The following CAPZB variants were observed in gnomAD, a reference collection of about 807,000 sequenced individuals.
The protein encoded by CAPZB is F-actin-capping protein subunit beta.
In CAPZB, 2 loss-of-function variants were observed where a neutral mutation model predicts 38.1. That is an observed-to-expected ratio of 0.05 (90% CI 0.02 to 0.17). The LOEUF (loss-of-function observed/expected upper bound fraction) is 0.17. CAPZB is among the 10% of genes least tolerant of loss of function. The pLI is 1.00. For synonymous variants in CAPZB, 107 were observed against 127.4 expected (o/e 0.84, Z 1.08); for missense variants, 161 against 334.2 (o/e 0.48, Z 4.04).
chr1:19,433,405 G>A (rs1442759953), intron 1 of CAPZB, among the ~76,000 whole-genome samples: 1 of 152,194 alleles, frequency 6.6e-6, no homozygotes, highest in African/African-American at 2.4e-5. Flanking sequence ...CGAAGGCTAA[G>A]AAAAGTAAAC....
At chr1:19,419,639 A>T in intron 2 of CAPZB, 22 bp downstream of exon 2, 1 of 1,442,774 alleles carries the variant, frequency 6.9e-7, no homozygotes, top group Non-Finnish European at 9.6e-7. Context: ...CTCAAATGGA[A>T]CCATATGAAG....
chr1:19,427,307 T>A (rs1270134572), intron 1 of CAPZB, among the ~76,000 whole-genome samples: 1 of 152,206 alleles, frequency 6.6e-6, no homozygotes, highest in African/African-American at 2.4e-5. Flanking sequence ...AACCAAAGCT[T>A]CAAGGCCTTC....
chr1:19,449,106 G>A, intron 1 of CAPZB: 7 of 1,422,384 alleles, frequency 4.9e-6, no homozygotes, highest in Non-Finnish European at 6.4e-6. Flanking sequence ...TGAAACCCCA[G>A]CAGTTCCATT....
At chr1:19,458,006 A>C (rs1356268235) in intron 1 of CAPZB, among the ~76,000 whole-genome samples, 1 of 152,058 alleles carries the variant, frequency 6.6e-6, no homozygotes, top group Non-Finnish European at 1.5e-5. Context: ...CTTAGGTCAT[A>C]ATAATTTTTA....
At chr1:19,476,856 C>T (rs879515078) in intron 1 of CAPZB, among the ~76,000 whole-genome samples, 4 of 152,232 alleles carry the variant, frequency 2.6e-5, no homozygotes, top group African/African-American at 7.2e-5. Context: ...GGGAACCTCT[C>T]GGCCCCAGTT....
Position 19,441,525 on chromosome 1 carries a change from A to G in CAPZB, c.4-21775T>C, listed in dbSNP as rs545331806. On this transcript the variant is annotated intron_variant, in intron 1 of 8. Coordinates refer to ENST00000264202, the MANE Select transcript of CAPZB (RefSeq NM_004930.5). ...TTCATTTACTGAGTACCTACCTAGTATACACAGCAGGGCATGTTCACCCCT... is the reference window on the plus strand; with the variant it reads ...TTCATTTACTGAGTACCTACCTAGTGTACACAGCAGGGCATGTTCACCCCT... Among the ~76,000 whole-genome samples the G allele has an allele frequency of 1.2e-4, 19 of 152,254 alleles. No individual in the cohort carries two copies. In the East Asian group the frequency reaches 2.9e-3, roughly 23 times the overall value.
At chr1:19,348,761 G>C (rs1032652656) in intron 6 of CAPZB, among the ~76,000 whole-genome samples, 3 of 102,556 alleles carry the variant, frequency 2.9e-5, no homozygotes, top group Admixed American at 1.1e-4. Context: ...ATCTGACAAG[G>C]GGGGGGGGCG....
rs561938357 is a variant in CAPZB at position 19,344,716 on chromosome 1, CA to C, written c.655-283del. On this transcript the variant is annotated intron_variant, in intron 7 of 8. Transcript: ENST00000264202. The stretch of plus-strand genomic sequence containing the variant: ...TGGGAGCTGCTCTAAACCACATCAC[CA>C]CCCCTTGGGCTCCCCACTAATTTTG... Among the ~76,000 whole-genome samples the C allele has an allele frequency of 7.0e-4, 106 of 152,378 alleles. 1 individual carries two copies. Among genetic ancestry groups the C allele is most frequent in the African/African-American group, 2.4e-3 (99 of 41,588 alleles).
At chr1:19,368,887 A>AT (rs2094105435) in intron 4 of CAPZB, among the ~76,000 whole-genome samples, 2 of 152,256 alleles carry the variant, frequency 1.3e-5, no homozygotes, top group South Asian at 4.1e-4. Context: ...CCTCGGAAAC[A>AT]TCTCAGTGAG....
At chr1:19,447,272 C>CTTTT (rs35692222) in intron 1 of CAPZB, among the ~76,000 whole-genome samples, 804 of 74,858 alleles carry the variant, frequency 0.011, 27 homozygotes, top group Non-Finnish European at 0.012. Flanking sequence ...CAGACCTAAT[C>CTTTT]TTTTTTTTTT....
intron 1 of CAPZB, among the ~76,000 whole-genome samples, chr1:19,425,307 G>A (rs771614853): frequency 6.6e-6 from 1 of 152,316 alleles, no homozygotes; most frequent in South Asian, 2.1e-4. Flanking sequence ...TTATCCTCTG[G>A]AATTCTCTGT....
intron 8 of CAPZB, 45 bp from the exon 9 acceptor site, chr1:19,339,662 G>C: frequency 6.9e-7 from 1 of 1,451,054 alleles, no homozygotes; most frequent in Non-Finnish European, 9.7e-7. Context: ...ACAGGGACTG[G>C]TGAGGCGGTG....
At chr1:19,376,391 A>G (rs1298468727) in intron 4 of CAPZB, among the ~76,000 whole-genome samples, 2 of 152,340 alleles carry the variant, frequency 1.3e-5, no homozygotes, top group East Asian at 3.9e-4. Context: ...GCTCCCAAGA[A>G]GCTTACATAT....
intron 1 of CAPZB, among the ~76,000 whole-genome samples, chr1:19,469,995 T>C (rs567566703): frequency 4.6e-5 from 7 of 152,254 alleles, no homozygotes; most frequent in South Asian, 2.1e-4. Context: ...TTCCATTCCA[T>C]TGTGGCTTGA....
intron 4 of CAPZB, among the ~76,000 whole-genome samples, chr1:19,365,926 A>G (rs549495744): frequency 6.6e-6 from 1 of 152,308 alleles, no homozygotes; most frequent in South Asian, 2.1e-4. Flanking sequence ...GCTGGCTGGA[A>G]TGCCGGCTGA....
At chr1:19,421,825 A>G (rs934934378) in intron 1 of CAPZB, among the ~76,000 whole-genome samples, 1 of 152,240 alleles carries the variant, frequency 6.6e-6, no homozygotes, top group East Asian at 1.9e-4. Context: ...ACAATAATTT[A>G]GTAATGCATG....
intron 1 of CAPZB, among the ~76,000 whole-genome samples, chr1:19,442,764 C>G (rs1205612209): frequency 6.6e-6 from 1 of 152,142 alleles, no homozygotes; most frequent in Admixed American, 6.5e-5. Flanking sequence ...ACAGCTTTTC[C>G]TTCCCTGGCT....
chr1:19,465,715 G>A (rs916694316), intron 1 of CAPZB, among the ~76,000 whole-genome samples: 11 of 152,126 alleles, frequency 7.2e-5, no homozygotes, highest in African/African-American at 2.2e-4. Context: ...GCTGAATGTA[G>A]AAAACCATCT....
chr1:19,438,453 T>C (rs1403744421), intron 1 of CAPZB, among the ~76,000 whole-genome samples: 1 of 152,174 alleles, frequency 6.6e-6, no homozygotes, highest in African/African-American at 2.4e-5. Flanking sequence ...CAGGTTTTAA[T>C]GAGAAAATTC....
Sources: gnomAD v4.1 joint callset for allele counts (sites outside exome capture counted in the v4.1 genomes callset) on GRCh38, gnomAD v4.1.1 for gene constraint, MANE v1.5 for transcripts, NCBI Gene and HGNC (gene_info 2026-07-23, HGNC 2026-07-21) for gene names.